The following TMEM50A variants were observed in gnomAD, a reference collection of about 807,000 sequenced individuals.
TMEM50A encodes the protein cervical cancer oncogene 9.
Under a neutral mutation model 23.9 loss-of-function variants are expected in TMEM50A, and 8 were observed. The ratio of observed to expected loss-of-function variants is 0.33; its 90% CI spans 0.20 to 0.60. The LOEUF (loss-of-function observed/expected upper bound fraction) is 0.60. Among genes scored for constraint, TMEM50A ranks in the 20% least tolerant of loss-of-function variants. TMEM50A has a pLI of 0.81. For missense variants in TMEM50A, 178 were observed against 192.7 expected (o/e 0.92, Z 0.45); for synonymous variants, 55 against 60.4 (o/e 0.91, Z 0.41).
intron 2 of TMEM50A, among the ~76,000 whole-genome samples, chr1:25,342,228 G>A (rs938038339): frequency 6.6e-6 from 1 of 152,192 alleles, no homozygotes; most frequent in African/African-American, 2.4e-5. Context: ...AGGGTTTGGT[G>A]TGGGGATAGG....
intron 6 of TMEM50A, among the ~76,000 whole-genome samples, chr1:25,357,998 A>C (rs1294059433): frequency 7.0e-6 from 1 of 143,862 alleles, no homozygotes; most frequent in Non-Finnish European, 1.5e-5. Flanking sequence ...CCCAGGCTGG[A>C]ATGCAGTGGC....
At chr1:25,356,627 A>G (rs3093654) in intron 5 of TMEM50A, among the ~76,000 whole-genome samples, 166 bp from the exon 6 acceptor site, 2,017 of 152,326 alleles carry the variant, frequency 0.013, 29 homozygotes, top group South Asian at 0.026. Context: ...ATCATTTACT[A>G]AAGCCATGCT....
intron 4 of TMEM50A, 92 bp from the exon 5 acceptor site, chr1:25,352,787 CTTT>C: frequency 1.1e-6 from 1 of 918,076 alleles, no homozygotes; most frequent in Non-Finnish European, 1.6e-6. Flanking sequence ...GGCAGTTGCA[CTTT>C]TTTTTTTTCT....
At chr1:25,354,212 A>G (rs1645309480) in intron 5 of TMEM50A, among the ~76,000 whole-genome samples, 2 of 151,264 alleles carry the variant, frequency 1.3e-5, no homozygotes, top group South Asian at 4.2e-4. Flanking sequence ...CTGGTCTCAA[A>G]CTCCTGGGCT....
chr1:25,345,826 C>T (rs746861601), intron 3 of TMEM50A, among the ~76,000 whole-genome samples: 3 of 150,620 alleles, frequency 2.0e-5, no homozygotes, highest in Admixed American at 1.3e-4. Context: ...TTTGCTCTGT[C>T]GCCCAGGCTG....
intron 2 of TMEM50A, 141 bp downstream of exon 2, chr1:25,340,720 G>A: frequency 1.6e-6 from 1 of 633,978 alleles, no homozygotes; most frequent in Non-Finnish European, 2.6e-6. Context: ...GTTGTTTGTG[G>A]AGAGTTATTA....
In TMEM50A at chr1:25,362,145, T is replaced by TACTTACA; in HGVS notation, c.*1440_*1441insACTTACA. 4 of 370,906 alleles carry TACTTACA rather than the reference T, an allele frequency of 1.1e-5. No individual in the cohort carries two copies. Among genetic ancestry groups the TACTTACA allele is most frequent in the Non-Finnish European group, 2.0e-5 (4 of 198,526 alleles). 23.0% of individuals were successfully genotyped at this position (370,906 alleles called of 1,614,324 possible). On this transcript the variant is annotated 3_prime_UTR_variant, in exon 7 of 7. Coordinates refer to ENST00000374358, the MANE Select transcript of TMEM50A (RefSeq NM_014313.4). ...TCCCACAAGGACTAAGTATCAGTGA[T>TACTTACA]TTGTAATTTTCCTGTTTTGTATTAT... is the stretch of plus-strand genomic sequence containing the variant.
In TMEM50A at chr1:25,362,265, C is replaced by T. The variant is rs1645420036; in HGVS notation, c.*1560C>T. ...AATTGTCAATAAAATTAACCCAAAA[C>T]TTTAATAATGTGTCTGTAACCAAGA... is the stretch of plus-strand genomic sequence containing the variant. On this transcript the variant is annotated 3_prime_UTR_variant, in exon 7 of 7. Transcript: ENST00000374358. 1.4e-6 allele frequency: 1 copy of T among 732,028 alleles called. No individual in the cohort carries two copies. Among genetic ancestry groups the T allele is most frequent in the Non-Finnish European group, 2.2e-6 (1 of 459,854 alleles). 45.3% of individuals were successfully genotyped at this position (732,028 alleles called of 1,614,324 possible).
chr1:25,350,511 C>T (rs1248254787), intron 3 of TMEM50A, among the ~76,000 whole-genome samples: 1 of 152,174 alleles, frequency 6.6e-6, no homozygotes, highest in Non-Finnish European at 1.5e-5. Flanking sequence ...GCCTCAGCCT[C>T]CCAAGTAGCT....
chr1:25,346,542 C>G (rs990226544), intron 3 of TMEM50A, among the ~76,000 whole-genome samples: 1 of 152,066 alleles, frequency 6.6e-6, no homozygotes, highest in Non-Finnish European at 1.5e-5. Context: ...ACTACTTGCA[C>G]ATACCACCAC....
At chr1:25,343,567 A>AT (rs1016446078) in intron 3 of TMEM50A, among the ~76,000 whole-genome samples, 1 of 151,524 alleles carries the variant, frequency 6.6e-6, no homozygotes, top group African/African-American at 2.4e-5. Flanking sequence ...AAATTAAAAA[A>AT]TTTTTTTTTT....
chr1:25,354,019 G>T (rs1036350730), intron 5 of TMEM50A, among the ~76,000 whole-genome samples: 4 of 151,258 alleles, frequency 2.6e-5, no homozygotes, highest in East Asian at 1.9e-4. Context: ...TTGAGACAGG[G>T]TCTGCTCTGT....
At chr1:25,340,388 ATTAT>A in intron 1 of TMEM50A, 82 bp from the exon 2 acceptor site, 1 of 811,702 alleles carries the variant, frequency 1.2e-6, no homozygotes, top group Non-Finnish European at 2.0e-6. Flanking sequence ...CTTTTATCTA[ATTAT>A]TCCTGAGCTA....
At chr1:25,352,004 T>C (rs1036379359) in intron 4 of TMEM50A, among the ~76,000 whole-genome samples, 4 of 152,354 alleles carry the variant, frequency 2.6e-5, no homozygotes, top group African/African-American at 9.6e-5. Flanking sequence ...AACATGTTAA[T>C]GTGATTTGAA....
Position 25,352,868 on chromosome 1 carries a change from T to C in TMEM50A, c.275-14T>C. The C allele has an allele frequency of 6.2e-7, 1 of 1,609,810 alleles. No homozygotes were observed. Among genetic ancestry groups the C allele is most frequent in the South Asian group, 1.1e-5 (1 of 89,808 alleles). ...TATAAGAAAGAATTCTGGTAAAATATTATTTCTTTGAAGGTGCTCGCATTT... is the reference window on the plus strand; with the variant it reads ...TATAAGAAAGAATTCTGGTAAAATACTATTTCTTTGAAGGTGCTCGCATTT... On this transcript the variant is annotated splice_polypyrimidine_tract_variant and intron_variant, in intron 4 of 6. Transcript: ENST00000374358.
intron 1 of TMEM50A, among the ~76,000 whole-genome samples, chr1:25,338,998 T>G (rs1437151496): frequency 6.6e-6 from 1 of 152,192 alleles, no homozygotes; most frequent in African/African-American, 2.4e-5. Flanking sequence ...AAGAATCAAA[T>G]GAGTGAATTT....
In TMEM50A at chr1:25,351,655, G is replaced by A. The variant is rs868019998; in HGVS notation, c.236G>A (p.Arg79Gln). 14 of 1,613,506 alleles carry A rather than the reference G, an allele frequency of 8.7e-6. No homozygotes were observed. Among genetic ancestry groups the A allele is most frequent in the South Asian group, 1.1e-5 (1 of 90,920 alleles). Reference protein sequence around the residue: ...MINAVSNGQVRGDSYSEGCLG... With the variant: ...MINAVSNGQVQGDSYSEGCLG... Reference sequence around the variant, plus strand: ...AATGCAGTATCGAATGGACAAGTCCGAGGTGATAGTTACAGTGAAGGTTGT... The same window carrying A: ...AATGCAGTATCGAATGGACAAGTCCAAGGTGATAGTTACAGTGAAGGTTGT... Residue 79 changes from arginine to glutamine, a missense_variant, in exon 4 of 7, where the codon CGA becomes CAA. Coordinates refer to ENST00000374358, the MANE Select transcript of TMEM50A (RefSeq NM_014313.4).
At chr1:25,343,117 A>G (rs1174954796) in intron 3 of TMEM50A, 44 bp downstream of exon 3, 1 of 1,449,226 alleles carries the variant, frequency 6.9e-7, no homozygotes, top group African/African-American at 1.4e-5. Flanking sequence ...GCTTGCCACA[A>G]AATAAAAATG....
chr1:25,346,887 G>T (rs3093651), intron 3 of TMEM50A, among the ~76,000 whole-genome samples: 1 of 152,190 alleles, frequency 6.6e-6, no homozygotes, highest in African/African-American at 2.4e-5. Context: ...GGGCATGGTG[G>T]TGCATGCCTG....
Sources: allele counts gnomAD v4.1 joint callset (sites outside exome capture counted in the v4.1 genomes callset), GRCh38; gene constraint gnomAD v4.1.1; transcripts MANE v1.5; gene names NCBI Gene and HGNC (gene_info 2026-07-23, HGNC 2026-07-21).